UBR7: variants seen among roughly 807,000 people sequenced by gnomAD.
The protein encoded by UBR7 is putative E3 ubiquitin-protein ligase UBR7.
In UBR7, 22 loss-of-function variants were observed where a neutral mutation model predicts 57.0. The ratio of observed to expected loss-of-function variants is 0.39; its 90% CI spans 0.28 to 0.55. The LOEUF is 0.55. Ranked by LOEUF, UBR7 falls within the 20% of genes least tolerant of loss-of-function variation. UBR7 has a pLI of 0.69. For synonymous variants in UBR7, 167 were observed against 179.8 expected, an observed-to-expected ratio of 0.93 and a Z score of 0.57; for missense variants, 395 against 513.2, an observed-to-expected ratio of 0.77 and a Z score of 2.23.
chr14:93,227,103 T>G lies in UBR7; in HGVS notation c.*68T>G, dbSNP rs759278486. ...CTTCCCATTCTTGGAATAAAAGAGG[T>G]GTGGTTCACATTTGGCCCCCTTTCC... On this transcript the variant is annotated 3_prime_UTR_variant, in exon 11 of 11. Coordinates refer to ENST00000013070, the MANE Select transcript of UBR7 (RefSeq NM_175748.4). The G allele has an allele frequency of 2.3e-6, 3 of 1,289,064 alleles. No homozygotes were observed. Among genetic ancestry groups the G allele is most frequent in the South Asian group, 1.2e-5 (1 of 82,950 alleles). The allele number at this position is 1,289,064 out of a possible 1,614,324, so 79.9% of individuals were successfully genotyped here. A position where few individuals can be genotyped will look rare whatever the true frequency, so the allele number is the denominator to read the frequency against.
Position 93,207,457 on chromosome 14 carries a change from G to C in UBR7, c.150+16G>C. 6.5e-7 allele frequency: 1 copy of C among 1,539,786 alleles called. No individual in the cohort carries two copies. The highest frequency in any genetic ancestry group is 8.7e-7 in the Non-Finnish European group (1 of 1,145,350). On this transcript the variant is annotated intron_variant, in intron 1 of 10. Coordinates refer to ENST00000013070, the MANE Select transcript of UBR7 (RefSeq NM_175748.4). ...CTACTCTCAGGTGGGCGCGCGGCCC[G>C]GGCCTCCTCTCCCCCGGCTCCCGCC...
chr14:93,213,925 A>ATT (rs149933433), intron 4 of UBR7, among the ~76,000 whole-genome samples: 1 of 149,560 alleles, frequency 6.7e-6, no homozygotes, highest in Non-Finnish European at 1.5e-5. Flanking sequence ...TTAAAACTGG[A>ATT]TTTTTTTTTT....
intron 10 of UBR7, chr14:93,223,641 G>T: frequency 1.4e-6 from 2 of 1,381,500 alleles, no homozygotes; most frequent in South Asian, 1.2e-5. Context: ...GCGTGGCTTG[G>T]GCTGACGGGC....
intron 4 of UBR7, among the ~76,000 whole-genome samples, chr14:93,214,630 G>A (rs1275222257): frequency 6.6e-6 from 1 of 152,166 alleles, no homozygotes; most frequent in Non-Finnish European, 1.5e-5. Context: ...AAAGGATGGT[G>A]TGGTAAAAAG....
rs751474426 is a variant in UBR7, at chr14:93,210,656, G to A, written c.293G>A (p.Arg98His). The A allele has an allele frequency of 8.1e-6, 13 of 1,605,924 alleles. No homozygotes were observed. The highest frequency in any genetic ancestry group is 6.8e-5 in the Admixed American group (4 of 59,106). ...LFELYTKRNF[R>H]CDCGNSKFKN... Reference sequence around the variant, plus strand: ...TTTCCTCCTTTTTTCAGAAATTTTCGTTGTGATTGTGGAAACAGCAAGTTT... The same window carrying A: ...TTTCCTCCTTTTTTCAGAAATTTTCATTGTGATTGTGGAAACAGCAAGTTT... Residue 98 changes from arginine (R) to histidine (H), a missense_variant, in exon 3 of 11, where the codon CGT (arginine) becomes CAT (histidine). By Grantham distance (29) the Arg-to-His change is conservative. Transcript: ENST00000013070.
intron 9 of UBR7, among the ~76,000 whole-genome samples, chr14:93,220,746 G>C (rs1219034539): frequency 6.6e-6 from 1 of 152,040 alleles, no homozygotes; most frequent in East Asian, 1.9e-4. Flanking sequence ...GACAGTTCTT[G>C]AGGTTGCTTC....
Position 93,208,878 on chromosome 14 carries a change from A to G in UBR7, c.151-946A>G, listed in dbSNP as rs576696754. Among the ~76,000 whole-genome samples the G allele has an allele frequency of 3.3e-5, 5 of 152,066 alleles. No homozygotes were observed. In the South Asian group the frequency reaches 8.3e-4, roughly 25 times the overall value. Reference sequence around the variant, plus strand: ...AATGTCATGATCTCTGCTCACTGCAACCTCCACCTCCTGGGTTCAAGTGAT... The same window carrying G: ...AATGTCATGATCTCTGCTCACTGCAGCCTCCACCTCCTGGGTTCAAGTGAT... On this transcript the variant is annotated intron_variant, in intron 1 of 10. Coordinates refer to ENST00000013070, the MANE Select transcript of UBR7 (RefSeq NM_175748.4).
At chr14:93,218,415 A>G (rs1894633886) in intron 6 of UBR7, 112 bp from the exon 7 acceptor site, 1 of 1,009,124 alleles carries the variant, frequency 9.9e-7, no homozygotes, top group African/African-American at 1.6e-5. Flanking sequence ...TGTCTGTAAA[A>G]AAAAAAAATA....
In UBR7 at chr14:93,211,533, C is replaced by T. The variant is rs755765949; in HGVS notation, c.346-499C>T. 8.6e-5 allele frequency among the ~76,000 whole-genome samples: 13 copies of T among 150,850 alleles called. 1 individual carries two copies. ...CCGCACTCCAGCCTGGGCGACAGAG[C>T]GAGACTCCATCTCAAAAAAAAAAGA... On this transcript the variant is annotated intron_variant, in intron 3 of 10. Transcript: ENST00000013070.
chr14:93,215,161 G>A lies in UBR7; in HGVS notation c.496-15G>A, dbSNP rs558488711. 192 of 1,559,154 alleles carry A rather than the reference G, an allele frequency of 1.2e-4. 4 individuals are homozygous for A. The South Asian group carries it at 1.5e-3, about 12-fold the overall frequency. ...TGGCAATCACAAGAAAATTTTTGGTGTTCTATATTCACAGCATCTTGGTGC... is the reference window on the plus strand; with the variant it reads ...TGGCAATCACAAGAAAATTTTTGGTATTCTATATTCACAGCATCTTGGTGC... On this transcript the variant is annotated splice_polypyrimidine_tract_variant and intron_variant, in intron 5 of 10. Transcript: ENST00000013070.
intron 4 of UBR7, 24 bp downstream of exon 4, chr14:93,212,151 TG>T: frequency 1.9e-6 from 3 of 1,564,774 alleles, no homozygotes; most frequent in South Asian, 2.3e-5. Flanking sequence ...AAGTTAAACC[TG>T]GGGGTGTGTC....
chr14:93,215,796 A>G (rs1652562333), intron 6 of UBR7, among the ~76,000 whole-genome samples: 1 of 152,118 alleles, frequency 6.6e-6, no homozygotes, highest in Non-Finnish European at 1.5e-5. Flanking sequence ...GATATGATGC[A>G]GAGTATTGAT....
rs188295374 is a variant in UBR7 at position 93,229,181 on chromosome 14, T to C, written c.*2146T>C. ...AATTACATACTTAACTCTGATCAGG[T>C]TTCTGTAAAATTTAAATAAAACCAA... On this transcript the variant is annotated 3_prime_UTR_variant, in exon 11 of 11. Transcript: ENST00000013070. The C allele has an allele frequency of 3.1e-6, 1 of 321,328 alleles. No individual in the cohort carries two copies. Among genetic ancestry groups the C allele is most frequent in the East Asian group, 8.1e-5 (1 of 12,314 alleles). 19.9% of individuals were successfully genotyped at this position (321,328 alleles called of 1,614,324 possible).
chr14:93,223,801 C>T, intron 10 of UBR7: 1 of 742,526 alleles, frequency 1.3e-6, no homozygotes, highest in Admixed American at 1.8e-5. Context: ...GCCCATAGAC[C>T]TCTCGGTAGC....
chr14:93,218,751 C>A lies in UBR7; in HGVS notation c.810+16C>A. 2 of 1,609,096 alleles carry A rather than the reference C, an allele frequency of 1.2e-6. No individual in the cohort carries two copies. Among genetic ancestry groups the A allele is most frequent in the Non-Finnish European group, 1.7e-6 (2 of 1,176,378 alleles). ...TGATCTCCAGGTAATGTGTGAAGTA[C>A]GAGCCATCAAGAAATAAGACTGGGC... is the stretch of plus-strand genomic sequence containing the variant. On this transcript the variant is annotated intron_variant, in intron 7 of 10. Coordinates refer to ENST00000013070, the MANE Select transcript of UBR7 (RefSeq NM_175748.4).
rs1344870898 is a variant in UBR7 at position 93,218,750 on chromosome 14, A to G, written c.810+15A>G. 1 of 1,609,754 alleles carries G rather than the reference A, an allele frequency of 6.2e-7. No homozygotes were observed. Among genetic ancestry groups the G allele is most frequent in the African/African-American group, 1.3e-5 (1 of 74,762 alleles). On this transcript the variant is annotated intron_variant, in intron 7 of 10. Transcript: ENST00000013070. ...CTGATCTCCAGGTAATGTGTGAAGT[A>G]CGAGCCATCAAGAAATAAGACTGGG...
At chr14:93,220,505 CA>C in intron 9 of UBR7, 94 bp downstream of exon 9, 3 of 1,454,118 alleles carry the variant, frequency 2.1e-6, no homozygotes, top group Non-Finnish European at 1.9e-6. Context: ...TAATTTAATA[CA>C]AAGAATTAAA....
At chr14:93,215,702 A>AG (rs1396539269) in intron 6 of UBR7, among the ~76,000 whole-genome samples, 4 of 151,864 alleles carry the variant, frequency 2.6e-5, no homozygotes, top group African/African-American at 9.7e-5. Context: ...AAAAAAAAAA[A>AG]AAAAAAAAGA....
intron 6 of UBR7, among the ~76,000 whole-genome samples, chr14:93,216,146 G>A (rs753675551): frequency 3.7e-4 from 56 of 152,270 alleles, no homozygotes; most frequent in South Asian, 6.2e-4. Flanking sequence ...ATAAGTCAGA[G>A]CCCTCGTGAA....
Sources: gnomAD v4.1 joint callset for allele counts (sites outside exome capture counted in the v4.1 genomes callset) on GRCh38, gnomAD v4.1.1 for gene constraint, MANE v1.5 for transcripts, NCBI Gene and HGNC (gene_info 2026-07-23, HGNC 2026-07-21) for gene names.